Variants in NPR3 observed in about 807,000 individuals in gnomAD.
The protein encoded by NPR3 is atrial natriuretic peptide receptor 3.
A neutral mutation model predicts 54.5 loss-of-function variants in NPR3; 34 were observed. The ratio of observed to expected loss-of-function variants is 0.62; its 90% CI spans 0.47 to 0.83. The LOEUF (loss-of-function observed/expected upper bound fraction) is 0.83. NPR3 is among the 40% of genes least tolerant of loss of function. NPR3 has a pLI of 0.00. For synonymous variants in NPR3, 289 were observed against 297.1 expected (o/e 0.97, Z 0.28); for missense variants, 674 against 720.8 (o/e 0.94, Z 0.74).
chr5:32,692,940 G>A (rs1310218455), intron 1 of NPR3, among the ~76,000 whole-genome samples: 1 of 152,152 alleles, frequency 6.6e-6, no homozygotes, highest in African/African-American at 2.4e-5. Context: ...GGGCCACATA[G>A]TGAGACCCCT....
rs548688964 is a variant in NPR3 at position 32,748,647 on chromosome 5, G to A, written c.1059+9617G>A. 6.6e-5 allele frequency among the ~76,000 whole-genome samples: 10 copies of A among 152,256 alleles called. No individual in the cohort carries two copies. In the South Asian group the frequency reaches 2.1e-3, roughly 32 times the overall value. On this transcript the variant is annotated intron_variant, in intron 3 of 7. Coordinates refer to ENST00000265074, the MANE Select transcript of NPR3 (RefSeq NM_001204375.2). ...TTCTTCTTGGCTGAACCAACTAGAT[G>A]TCAGCTGACAGGGAAAGGGACCTGG...
intron 3 of NPR3, among the ~76,000 whole-genome samples, chr5:32,768,561 C>T (rs961212054): frequency 1.1e-4 from 17 of 152,148 alleles, no homozygotes; most frequent in African/African-American, 4.1e-4. Flanking sequence ...GTGCTTATGC[C>T]TCTGGATTCC....
intron 1 of NPR3, among the ~76,000 whole-genome samples, chr5:32,692,074 G>T (rs1740407230): frequency 6.6e-6 from 1 of 152,114 alleles, no homozygotes; most frequent in Admixed American, 6.5e-5. Flanking sequence ...AGAGAGCAAC[G>T]AAGGGGCAAA....
intron 3 of NPR3, among the ~76,000 whole-genome samples, chr5:32,768,775 C>T (rs572696192): frequency 6.6e-6 from 1 of 152,328 alleles, no homozygotes; most frequent in South Asian, 2.1e-4. Flanking sequence ...GCTACCAGTT[C>T]AGAGCTGAGT....
chr5:32,705,571 A>T (rs1272297025), upstream of NPR3, among the ~76,000 whole-genome samples: 1 of 152,056 alleles, frequency 6.6e-6, no homozygotes, highest in Non-Finnish European at 1.5e-5. Context: ...GGGGAGGGGG[A>T]GATGCTACAC....
At chr5:32,776,100 G>A (rs1301792665) in intron 4 of NPR3, among the ~76,000 whole-genome samples, 4 of 152,124 alleles carry the variant, frequency 2.6e-5, no homozygotes, top group African/African-American at 9.7e-5. Flanking sequence ...AATATTTTAA[G>A]CCTTCTGCCA....
intron 3 of NPR3, among the ~76,000 whole-genome samples, chr5:32,772,141 A>G (rs188784237): frequency 6.6e-6 from 1 of 152,322 alleles, no homozygotes; most frequent in Non-Finnish European, 1.5e-5. Context: ...GGTAGATGTT[A>G]TTTCTACATT....
chr5:32,768,686 C>G (rs1454041460), intron 3 of NPR3, among the ~76,000 whole-genome samples: 1 of 152,162 alleles, frequency 6.6e-6, no homozygotes. Flanking sequence ...CCAGTCTGTT[C>G]TAGGTCATGA....
chr5:32,746,274 TAATTATGTACAA>T (rs1008185073), intron 3 of NPR3, among the ~76,000 whole-genome samples: 1 of 152,228 alleles, frequency 6.6e-6, no homozygotes, highest in African/African-American at 2.4e-5. Context: ...TAACACTTTA[TAATTATGTACAA>T]AATGTTGTGT....
At position 32,786,459 on chromosome 5, in the gene NPR3, G is replaced by A. The variant is rs996446421; in HGVS notation, c.*114G>A. The A allele has an allele frequency of 9.3e-6, 6 of 646,130 alleles. No homozygotes were observed. Among genetic ancestry groups the A allele is most frequent in the South Asian group, 1.9e-5 (1 of 53,172 alleles). The allele number at this position is 646,130 out of a possible 1,614,324, so 40.0% of individuals were successfully genotyped here. On this transcript the variant is annotated 3_prime_UTR_variant, in exon 8 of 8. Coordinates refer to ENST00000265074, the MANE Select transcript of NPR3 (RefSeq NM_001204375.2). ...CTTGAAGAATTCATAATTTTAAGCAGTTAGTAATTTCATTTTAAAATTTCT... is the reference window on the plus strand; with the variant it reads ...CTTGAAGAATTCATAATTTTAAGCAATTAGTAATTTCATTTTAAAATTTCT...
intron 3 of NPR3, among the ~76,000 whole-genome samples, chr5:32,743,353 A>G (rs1439948281): frequency 6.6e-6 from 1 of 152,142 alleles, no homozygotes; most frequent in Non-Finnish European, 1.5e-5. Context: ...CAATGCAGTC[A>G]TTATGCTCAG....
intron 1 of NPR3, among the ~76,000 whole-genome samples, chr5:32,694,149 G>A (rs977210958): frequency 6.6e-6 from 1 of 152,200 alleles, no homozygotes; most frequent in African/African-American, 2.4e-5. Context: ...GTAAGAGAAA[G>A]AATATTGAAC....
In NPR3 at chr5:32,713,573, T is replaced by C. The variant is rs1738383994; in HGVS notation, c.769+1028T>C. On this transcript the variant is annotated intron_variant, in intron 1 of 7. Coordinates refer to ENST00000265074, the MANE Select transcript of NPR3 (RefSeq NM_001204375.2). The stretch of plus-strand genomic sequence containing the variant: ...CCTTGGCGCTCACGCGCCTGGAATG[T>C]GAGTGGTGCAATCCCGGCAAAGCTC... The C allele has an allele frequency of 9.9e-6, 7 of 703,914 alleles. No homozygotes were observed. The South Asian group carries it at 4.5e-4, about 45-fold the overall frequency. The allele number at this position is 703,914 out of a possible 1,614,324, so 43.6% of individuals were successfully genotyped here.
intron 1 of NPR3, among the ~76,000 whole-genome samples, chr5:32,693,563 G>A (rs1189410634): frequency 1.3e-5 from 2 of 152,086 alleles, no homozygotes; most frequent in East Asian, 3.9e-4. Context: ...TTGAAATTTG[G>A]TATATTTTTG....
chr5:32,702,125 C>G (rs924563362), intron 1 of NPR3, among the ~76,000 whole-genome samples: 3 of 152,174 alleles, frequency 2.0e-5, no homozygotes, highest in Non-Finnish European at 4.4e-5. Context: ...ATGCTGAGTT[C>G]CCCCTGCCCC....
At chr5:32,772,324 C>T (rs1741811044) in intron 3 of NPR3, among the ~76,000 whole-genome samples, 1 of 152,180 alleles carries the variant, frequency 6.6e-6, no homozygotes, top group Non-Finnish European at 1.5e-5. Flanking sequence ...TACTAAACCT[C>T]CACTTAACAG....
intron 1 of NPR3, among the ~76,000 whole-genome samples, chr5:32,718,026 T>C (rs1054941549): frequency 6.6e-6 from 1 of 152,226 alleles, no homozygotes; most frequent in Non-Finnish European, 1.5e-5. Flanking sequence ...CTTGAATTAA[T>C]TTTTGTATAA....
At chr5:32,760,346 A>G (rs1224485509) in intron 3 of NPR3, among the ~76,000 whole-genome samples, 1 of 151,718 alleles carries the variant, frequency 6.6e-6, no homozygotes, top group African/African-American at 2.4e-5. Flanking sequence ...TTGTTCTACA[A>G]CCTCATTTAC....
chr5:32,730,000 A>T (rs141241099), intron 2 of NPR3, among the ~76,000 whole-genome samples: 5 of 152,308 alleles, frequency 3.3e-5, no homozygotes, highest in Non-Finnish European at 7.4e-5. Context: ...CCAATCCAGG[A>T]TCTCACACTG....
Sources: gnomAD v4.1 joint callset for allele counts (sites outside exome capture counted in the v4.1 genomes callset) on GRCh38, gnomAD v4.1.1 for gene constraint, MANE v1.5 for transcripts, NCBI Gene and HGNC (gene_info 2026-07-23, HGNC 2026-07-21) for gene names.